Variants in SDAD1 observed in about 807,000 individuals in gnomAD.
SDAD1 encodes SDA1 domain containing 1.
In SDAD1, 79 loss-of-function variants were observed where a neutral mutation model predicts 100.3. That is an observed-to-expected ratio of 0.79 (90% CI 0.66 to 0.95). The LOEUF (loss-of-function observed/expected upper bound fraction) is 0.95. Among genes scored for constraint, SDAD1 ranks in the 40% least tolerant of loss-of-function variants. SDAD1 has a pLI of 0.00. For missense variants in SDAD1, 790 were observed against 810.9 expected (o/e 0.97, Z 0.31); for synonymous variants, 267 against 271.4 (o/e 0.98, Z 0.16).
chr4:75,969,487 G>A (rs377013140), intron 10 of SDAD1, 88 bp from the exon 11 acceptor site: 8 of 826,176 alleles, frequency 9.7e-6, no homozygotes, highest in Non-Finnish European at 1.4e-5. Flanking sequence ...ACAATAGTTA[G>A]ATCAGTGAAT....
chr4:75,960,979 A>T (rs1313335415), intron 16 of SDAD1, 49 bp downstream of exon 16: 15 of 1,485,826 alleles, frequency 1.0e-5, no homozygotes, highest in Non-Finnish European at 1.3e-5. Flanking sequence ...AATTTCTCTC[A>T]GTTTGTGAGA....
At position 75,974,059 on chromosome 4, in the gene SDAD1, G is replaced by A; in HGVS notation, c.636+17C>T. ...CATCCACAGACAGAGCTTACACACAGCCCTATAGGTGCTCACCTTGGTGAC... is the reference window on the plus strand; with the variant it reads ...CATCCACAGACAGAGCTTACACACAACCCTATAGGTGCTCACCTTGGTGAC... On this transcript the variant is annotated intron_variant, in intron 7 of 21. Coordinates refer to ENST00000356260, the MANE Select transcript of SDAD1 (RefSeq NM_018115.4). 1 of 1,609,786 alleles carries A rather than the reference G, an allele frequency of 6.2e-7. No individual in the cohort carries two copies.
rs1277277422 is a variant in SDAD1, at chr4:75,970,320, T to C, written c.872A>G (p.His291Arg). 10 of 1,613,642 alleles carry C rather than the reference T, an allele frequency of 6.2e-6. No homozygotes were observed. The highest frequency in any genetic ancestry group is 5.0e-5 in the Admixed American group (3 of 59,998). ...VFNFSAIHLI[H>R]DPQDFAEKLL... ...TCATAATAACGTACCTTGGGGATCA[T>C]GAATCAAGTGAATGGCTGAAAAGTT... The change falls in exon 10 of 22, where the codon CAT becomes CGT. Residue 291 changes from histidine (H) to arginine (R), a missense_variant. His to Arg is a conservative substitution (Grantham distance 29). Transcript: ENST00000356260.
At chr4:75,955,194 T>G (rs959723731) in intron 21 of SDAD1, among the ~76,000 whole-genome samples, 1 of 152,224 alleles carries the variant, frequency 6.6e-6, no homozygotes, top group South Asian at 2.1e-4. Context: ...AATGTTATGT[T>G]AAAGAATTAC....
intron 1 of SDAD1, among the ~76,000 whole-genome samples, chr4:75,987,956 T>C (rs1012612833): frequency 2.6e-5 from 4 of 152,204 alleles, no homozygotes; most frequent in Admixed American, 2.6e-4. Flanking sequence ...CACTGGCTGC[T>C]TTCTCAGTCC....
chr4:75,990,646 A>G (rs557602509), intron 1 of SDAD1, 106 bp downstream of exon 1: 1 of 1,601,140 alleles, frequency 6.2e-7, no homozygotes, highest in South Asian at 1.1e-5. Flanking sequence ...ACCTAACAGA[A>G]GAATAGGCGG....
At chr4:75,954,893 A>G (rs1018591242) in intron 21 of SDAD1, among the ~76,000 whole-genome samples, 1 of 152,128 alleles carries the variant, frequency 6.6e-6, no homozygotes, top group Non-Finnish European at 1.5e-5. Flanking sequence ...GTCCATATGG[A>G]TAAGATAGGG....
At chr4:75,974,896 G>A (rs1730074288) in intron 6 of SDAD1, among the ~76,000 whole-genome samples, 1 of 150,514 alleles carries the variant, frequency 6.6e-6, no homozygotes, top group African/African-American at 2.4e-5. Flanking sequence ...AAAAAAATTA[G>A]CCGAGCATGG....
chr4:75,958,059 A>C, intron 17 of SDAD1, 118 bp from the exon 18 acceptor site: 1 of 805,142 alleles, frequency 1.2e-6, no homozygotes, highest in Non-Finnish European at 2.2e-6. Flanking sequence ...ATTAACCAAG[A>C]ACTGAGCAAT....
chr4:75,975,533 T>C (rs114397386), intron 6 of SDAD1, among the ~76,000 whole-genome samples: 1,607 of 152,270 alleles, frequency 0.011, 30 homozygotes, highest in African/African-American at 0.037. Context: ...AGTGAGGTCA[T>C]GTCAAAGTGC....
intron 11 of SDAD1, among the ~76,000 whole-genome samples, chr4:75,968,475 CATGGCTT>C (rs1230138258): frequency 6.6e-6 from 1 of 152,100 alleles, no homozygotes; most frequent in Non-Finnish European, 1.5e-5. Flanking sequence ...GTCATTTCTT[CATGGCTT>C]AAATTTCTGG....
chr4:75,974,128 T>C lies in SDAD1; in HGVS notation c.584A>G (p.Asp195Gly). The C allele has an allele frequency of 6.2e-7, 1 of 1,613,640 alleles. No individual in the cohort carries two copies. Among genetic ancestry groups the C allele is most frequent in the South Asian group, 1.1e-5 (1 of 91,074 alleles). The stretch of plus-strand genomic sequence containing the variant: ...TGTGATAACATTGACAGTTTTTGCA[T>C]CATTCCTGGGGGAAGACAATGAATG... ...IELYRRNIWN[D>G]AKTVNVITTA... The change falls in exon 7 of 22, where the codon GAT becomes GGT. Residue 195 changes from aspartate (D) to glycine (G), a missense_variant. Physicochemically the swap from Asp to Gly is moderately conservative, Grantham distance 94 (BLOSUM62 -1). Transcript: ENST00000356260.
intron 21 of SDAD1, 102 bp downstream of exon 21, chr4:75,955,873 C>G: frequency 1.5e-6 from 2 of 1,321,166 alleles, no homozygotes; most frequent in South Asian, 2.9e-5. Flanking sequence ...AAGACACACA[C>G]AATAATGCCC....
At chr4:75,959,545 A>C (rs1336173672) in intron 17 of SDAD1, among the ~76,000 whole-genome samples, 1 of 151,268 alleles carries the variant, frequency 6.6e-6, no homozygotes, top group East Asian at 2.0e-4. Flanking sequence ...TGGAGGTTGC[A>C]GTGAGCTGAG....
chr4:75,981,690 T>C (rs1730525608), intron 2 of SDAD1: 1 of 835,922 alleles, frequency 1.2e-6, no homozygotes, highest in Non-Finnish European at 1.8e-6. Flanking sequence ...AGTACCTGCT[T>C]TTATGATGAA....
At chr4:75,951,666 G>C (rs1458861766) in intron 21 of SDAD1, among the ~76,000 whole-genome samples, 1 of 152,122 alleles carries the variant, frequency 6.6e-6, no homozygotes, top group Non-Finnish European at 1.5e-5. Flanking sequence ...TTAACATCTA[G>C]AGAAAAAGAA....
At chr4:75,963,543 T>C (rs1322958903) in intron 14 of SDAD1, among the ~76,000 whole-genome samples, 9 of 152,202 alleles carry the variant, frequency 5.9e-5, no homozygotes. Flanking sequence ...CTTCCATTTG[T>C]TGGTATCCTC....
chr4:75,977,525 A>G, intron 4 of SDAD1, 121 bp downstream of exon 4: 1 of 713,274 alleles, frequency 1.4e-6, no homozygotes, highest in South Asian at 1.6e-5. Flanking sequence ...GCATGCACAC[A>G]ATGGTTGCTT....
chr4:75,985,946 T>C (rs1293371686), intron 1 of SDAD1, among the ~76,000 whole-genome samples: 1 of 152,138 alleles, frequency 6.6e-6, no homozygotes, highest in Non-Finnish European at 1.5e-5. Context: ...TTCAATTCCA[T>C]GATCAATCAT....
Sources: allele counts gnomAD v4.1 joint callset (sites outside exome capture counted in the v4.1 genomes callset), GRCh38; gene constraint gnomAD v4.1.1; transcripts MANE v1.5; gene names NCBI Gene and HGNC (gene_info 2026-07-23, HGNC 2026-07-21).